Variants in THSD7A observed in about 807,000 individuals in gnomAD.
THSD7A encodes thrombospondin type 1 domain containing 7A.
A neutral mutation model predicts 231.3 loss-of-function variants in THSD7A; 96 were observed. That is an observed-to-expected ratio of 0.41 (90% CI 0.35 to 0.49). The LOEUF (loss-of-function observed/expected upper bound fraction) is 0.49. THSD7A is among the 20% of genes least tolerant of loss of function. The pLI is 0.05. For missense variants in THSD7A, 2,290 were observed against 2,070.2 expected (o/e 1.11, Z -2.06); for synonymous variants, 940 against 743.3 (o/e 1.26, Z -4.30).
At chr7:11,455,203 T>C (rs1785268178) in intron 11 of THSD7A, among the ~76,000 whole-genome samples, 2 of 152,038 alleles carry the variant, frequency 1.3e-5, no homozygotes, top group African/African-American at 4.8e-5. Context: ...AAATAGGTCT[T>C]CGTCAAGAAC....
intron 4 of THSD7A, among the ~76,000 whole-genome samples, chr7:11,544,134 G>C (rs146372280): frequency 0.017 from 2,649 of 152,226 alleles, 34 homozygotes; most frequent in Middle Eastern, 0.031. Context: ...ACGAGGTCAA[G>C]AGCTAGAGAC....
At position 11,480,815 on chromosome 7, in the gene THSD7A, T is replaced by C. The variant is rs3801368; in HGVS notation, c.2017+973A>G. ...CTAAAATACTTCATGAACAGAAAAA[T>C]AGAAAAAGTATAGGCAACACAAAAC... On this transcript the variant is annotated intron_variant, in intron 7 of 27. Transcript: ENST00000423059. Among the ~76,000 whole-genome samples, 215 of 151,892 alleles carry C rather than the reference T, an allele frequency of 1.4e-3. 4 individuals are homozygous for C. In the East Asian group the frequency reaches 0.037, roughly 26 times the overall value.
At chr7:11,810,473 A>C (rs905039633) in intron 1 of THSD7A, among the ~76,000 whole-genome samples, 1 of 152,158 alleles carries the variant, frequency 6.6e-6, no homozygotes, top group African/African-American at 2.4e-5. Context: ...TTATGAGCTC[A>C]TACATGTCTA....
intron 13 of THSD7A, among the ~76,000 whole-genome samples, chr7:11,433,523 AT>A (rs1784542700): frequency 6.6e-6 from 1 of 152,046 alleles, no homozygotes; most frequent in Non-Finnish European, 1.5e-5. Flanking sequence ...CATCCAAATC[AT>A]TTCCAAATAT....
chr7:11,466,710 T>G (rs1207169270), intron 9 of THSD7A, among the ~76,000 whole-genome samples: 1 of 152,094 alleles, frequency 6.6e-6, no homozygotes, highest in East Asian at 1.9e-4. Context: ...TGACCTGTGT[T>G]CAGGGAAACA....
chr7:11,516,790 C>G (rs1788048204), intron 6 of THSD7A, among the ~76,000 whole-genome samples: 1 of 151,724 alleles, frequency 6.6e-6, no homozygotes, highest in Non-Finnish European at 1.5e-5. Flanking sequence ...TAGGAGGCAC[C>G]AGGTGTATTA....
chr7:11,786,680 CA>C (rs1783802532), intron 1 of THSD7A, among the ~76,000 whole-genome samples: 1 of 146,024 alleles, frequency 6.8e-6, no homozygotes, highest in Non-Finnish European at 1.5e-5. Context: ...AACTAGCAAA[CA>C]AAAACTACTG....
chr7:11,600,050 T>C (rs1056672147), intron 2 of THSD7A, among the ~76,000 whole-genome samples: 12 of 152,252 alleles, frequency 7.9e-5, no homozygotes, highest in African/African-American at 2.4e-4. Flanking sequence ...CTGGCTCTCC[T>C]AGCTCCTCAG....
In THSD7A at chr7:11,636,659, T is replaced by C. The variant is rs758905144; in HGVS notation, c.493A>G (p.Lys165Glu). Residue 165 changes from lysine (K) to glutamate (E), a missense_variant, in exon 2 of 28, where the codon AAA (lysine) becomes GAA (glutamate). Coordinates refer to ENST00000423059, the MANE Select transcript of THSD7A (RefSeq NM_015204.3). The surrounding 1 kb of genome is among the most constrained non-coding windows in gnomAD (Gnocchi z 10.0). ...VREIACIQKD[K>E]DIPAEDIICE... is the part of the protein sequence containing the mutation. ...ATGATATCCTCCGCAGGAATGTCTT[T>C]GTCTTTCTGGATGCACGCTATCTCC... 4.3e-6 allele frequency: 7 copies of C among 1,614,024 alleles called. No homozygotes were observed. Among genetic ancestry groups the C allele is most frequent in the Admixed American group, 3.3e-5 (2 of 60,020 alleles).
At position 11,581,952 on chromosome 7, in the gene THSD7A, T is replaced by C. The variant is rs1022015432; in HGVS notation, c.1453+8508A>G. ...AGCGGTGGTGACTGTTTGGACTCAA[T>C]AGTCCACACTCTTAGTTTGGTCACT... On this transcript the variant is annotated intron_variant, in intron 4 of 27. Coordinates refer to ENST00000423059, the MANE Select transcript of THSD7A (RefSeq NM_015204.3). Among the ~76,000 whole-genome samples the C allele has an allele frequency of 3.9e-5, 6 of 152,086 alleles. No individual in the cohort carries two copies. The South Asian group carries it at 6.2e-4, about 16-fold the overall frequency.
intron 6 of THSD7A, among the ~76,000 whole-genome samples, chr7:11,505,846 A>G (rs1253942866): frequency 1.3e-5 from 2 of 152,200 alleles, no homozygotes; most frequent in Non-Finnish European, 2.9e-5. Context: ...TGAGATTTAT[A>G]TAACTATGGG....
At chr7:11,693,990 A>G in intron 1 of THSD7A, among the ~76,000 whole-genome samples, 1 of 151,526 alleles carries the variant, frequency 6.6e-6, no homozygotes. Flanking sequence ...ATTTTTCCCA[A>G]CAACTCAATA....
At chr7:11,677,584 C>CAAAAAAAAAAAAAAAAAAA (rs553030554) in intron 1 of THSD7A, among the ~76,000 whole-genome samples, 3 of 22,274 alleles carry the variant, frequency 1.3e-4, no homozygotes, top group African/African-American at 7.7e-4. Context: ...AAATGGAAAG[C>CAAAAAAAAAAAAAAAAAAA]AAAAAAAAAA....
rs200405681 is a variant in THSD7A, at chr7:11,446,024, G to A, written c.3064+37C>T. ...GTGTGCATTTTCCCTCCACACTCCC[G>A]AAGATAGCAAATATGTAACAATGAA... is the stretch of plus-strand genomic sequence containing the variant. On this transcript the variant is annotated intron_variant, in intron 13 of 27. Transcript: ENST00000423059. The surrounding 1 kb of genome is among the most constrained non-coding windows in gnomAD (Gnocchi z 4.0). 44 of 1,610,782 alleles carry A rather than the reference G, an allele frequency of 2.7e-5. No individual in the cohort carries two copies. The highest frequency in any genetic ancestry group is 1.7e-4 in the Middle Eastern group (1 of 6,040).
chr7:11,506,366 A>G (rs1787545322), intron 6 of THSD7A, among the ~76,000 whole-genome samples: 1 of 152,186 alleles, frequency 6.6e-6, no homozygotes, highest in East Asian at 1.9e-4. Context: ...CACTAATTAT[A>G]AGAACTTAAC....
At chr7:11,529,713 A>G (rs1788624418) in intron 6 of THSD7A, among the ~76,000 whole-genome samples, 1 of 152,106 alleles carries the variant, frequency 6.6e-6, no homozygotes, top group Non-Finnish European at 1.5e-5. Context: ...GAACTATGTG[A>G]GCCAATTAAA....
chr7:11,378,315 T>C (rs1782362242), intron 26 of THSD7A: 1 of 152,192 alleles, frequency 6.6e-6, no homozygotes, highest in South Asian at 2.1e-4. Context: ...TTATAATCCA[T>C]GTAGCACATT....
chr7:11,425,745 C>CACACAT (rs999986973), intron 15 of THSD7A, among the ~76,000 whole-genome samples: 4 of 151,644 alleles, frequency 2.6e-5, no homozygotes, highest in Non-Finnish European at 4.4e-5. Context: ...CACACACACA[C>CACACAT]ACACACACAC....
chr7:11,795,955 C>G (rs1471209246), intron 1 of THSD7A, among the ~76,000 whole-genome samples: 1 of 149,726 alleles, frequency 6.7e-6, no homozygotes, highest in East Asian at 2.0e-4. Flanking sequence ...AATTGTAATG[C>G]TCCCAATTAT....
Sources: gnomAD v4.1 joint callset for allele counts (sites outside exome capture counted in the v4.1 genomes callset) on GRCh38, gnomAD v4.1.1 for gene constraint, Gnocchi (gnomAD v3.1) non-coding constraint, MANE v1.5 for transcripts, NCBI Gene and HGNC (gene_info 2026-07-23, HGNC 2026-07-21) for gene names.